Variants in DTD1 observed in about 807,000 individuals in gnomAD.
DTD1 encodes D-tyrosyl-tRNA deacylase 1 homolog.
A neutral mutation model predicts 25.6 loss-of-function variants in DTD1; 13 were observed. The observed-to-expected ratio is 0.51, with a 90% CI of 0.33 to 0.81. DTD1 has a LOEUF of 0.81. Ranked by LOEUF, DTD1 falls within the 30% of genes least tolerant of loss-of-function variation. The pLI is 0.02. For missense variants in DTD1, 193 were observed against 266.4 expected (o/e 0.72, Z 1.92); for synonymous variants, 110 against 103.6 (o/e 1.06, Z -0.37).
intron 4 of DTD1, among the ~76,000 whole-genome samples, chr20:18,668,659 G>T (rs777122228): frequency 2.0e-5 from 3 of 152,166 alleles, no homozygotes; most frequent in Non-Finnish European, 2.9e-5. Context: ...TTACTGTGAG[G>T]TGTTTTCTTC....
chr20:18,607,588 T>G (rs2060665726), intron 3 of DTD1, among the ~76,000 whole-genome samples: 1 of 152,204 alleles, frequency 6.6e-6, no homozygotes, highest in Admixed American at 6.5e-5. Context: ...ATTTATTCCT[T>G]AAATGTTTGA....
intron 4 of DTD1, chr20:18,691,916 A>G (rs1232545963): frequency 6.6e-6 from 1 of 151,994 alleles, no homozygotes; most frequent in Non-Finnish European, 1.5e-5. Context: ...CTGCTTGGAG[A>G]ATCTCACACC....
At chr20:18,688,160 C>G (rs894882552) in intron 4 of DTD1, among the ~76,000 whole-genome samples, 1 of 152,160 alleles carries the variant, frequency 6.6e-6, no homozygotes, top group Admixed American at 6.5e-5. Context: ...TTCCTTGGTT[C>G]TCAGAAGATG....
chr20:18,695,551 C>T (rs1600374844), intron 4 of DTD1, among the ~76,000 whole-genome samples: 1 of 42,920 alleles, frequency 2.3e-5, no homozygotes, highest in Non-Finnish European at 5.3e-5. Context: ...CTTCCCTTCC[C>T]TTCCCTTCTC....
At chr20:18,595,616 G>A (rs1030505205) in intron 2 of DTD1, among the ~76,000 whole-genome samples, 3 of 152,100 alleles carry the variant, frequency 2.0e-5, no homozygotes, top group African/African-American at 7.2e-5. Flanking sequence ...AAAAATGGAT[G>A]TCATTTATCC....
intron 4 of DTD1, among the ~76,000 whole-genome samples, chr20:18,700,484 A>G (rs1484503075): frequency 2.0e-5 from 3 of 149,604 alleles, no homozygotes; most frequent in Non-Finnish European, 3.0e-5. Context: ...CTGTGCAAAT[A>G]GTGGTGACCT....
intron 4 of DTD1, among the ~76,000 whole-genome samples, chr20:18,695,878 A>G (rs1420579709): frequency 6.6e-6 from 1 of 151,698 alleles, no homozygotes; most frequent in Non-Finnish European, 1.5e-5. Context: ...GGTTCTCACT[A>G]TGTTGCCCAA....
Position 18,628,764 on chromosome 20 carries a change from G to A in DTD1, c.477+531G>A, listed in dbSNP as rs181834912. Among the ~76,000 whole-genome samples, 123 of 152,268 alleles carry A rather than the reference G, an allele frequency of 8.1e-4. 1 individual carries two copies. The highest frequency in any genetic ancestry group is 3.4e-3 in the Middle Eastern group (1 of 294). On this transcript the variant is annotated intron_variant, in intron 4 of 5. Coordinates refer to ENST00000377452, the MANE Select transcript of DTD1 (RefSeq NM_080820.6). The stretch of plus-strand genomic sequence containing the variant: ...AAATGTGTAATAGTCCTTGGAACCC[G>A]CGTGGTCTCATAGATGCTTAGCATA...
intron 4 of DTD1, among the ~76,000 whole-genome samples, chr20:18,690,263 A>T (rs2061040553): frequency 6.6e-6 from 1 of 152,060 alleles, no homozygotes; most frequent in African/African-American, 2.4e-5. Context: ...TCAGATGCAT[A>T]GTTTCCAAAT....
chr20:18,686,354 A>T (rs1410199821), intron 4 of DTD1, among the ~76,000 whole-genome samples: 2 of 152,270 alleles, frequency 1.3e-5, no homozygotes, highest in Non-Finnish European at 2.9e-5. Flanking sequence ...GCCCTTGCAC[A>T]TCTATTTTTG....
intron 5 of DTD1, among the ~76,000 whole-genome samples, chr20:18,750,232 C>A (rs1050399231): frequency 1.3e-5 from 2 of 152,074 alleles, no homozygotes; most frequent in Non-Finnish European, 2.9e-5. Flanking sequence ...GGGTTTTGTT[C>A]CCCCTTCTGA....
rs2061376892 is a variant in DTD1 at position 18,765,661 on chromosome 20, G to T, written c.*2321G>T. The T allele has an allele frequency of 6.6e-6, 1 of 151,978 alleles. No homozygotes were observed. Among genetic ancestry groups the T allele is most frequent in the African/African-American group, 2.4e-5 (1 of 41,346 alleles). The allele number at this position is 151,978 out of a possible 1,614,324, so 9.4% of individuals were successfully genotyped here. A position where few individuals can be genotyped will look rare whatever the true frequency, so the allele number is the denominator to read the frequency against. On this transcript the variant is annotated 3_prime_UTR_variant, in exon 6 of 6. Transcript: ENST00000377452. ...ATATCTGCAGCTGCCTCAAAAAGGTGGTTAATTTCCACCCCCACCTACACT... is the reference window on the plus strand; with the variant it reads ...ATATCTGCAGCTGCCTCAAAAAGGTTGTTAATTTCCACCCCCACCTACACT...
At chr20:18,707,911 G>T (rs1249407296) in intron 4 of DTD1, among the ~76,000 whole-genome samples, 1 of 151,560 alleles carries the variant, frequency 6.6e-6, no homozygotes, top group Non-Finnish European at 1.5e-5. Flanking sequence ...GTTTCCTTGT[G>T]AGTGTGTCTG....
chr20:18,635,644 T>C (rs140482248), intron 4 of DTD1, among the ~76,000 whole-genome samples: 6 of 152,288 alleles, frequency 3.9e-5, no homozygotes, highest in East Asian at 3.9e-4. Flanking sequence ...GAATATTTGG[T>C]ATGAAAGGGT....
chr20:18,742,963 A>G (rs1212974183), intron 4 of DTD1, among the ~76,000 whole-genome samples: 1 of 152,122 alleles, frequency 6.6e-6, no homozygotes, highest in Non-Finnish European at 1.5e-5. Flanking sequence ...TCTGGGAGGG[A>G]GATAAAACTG....
At chr20:18,720,320 ATATACT>A (rs2061197056) in intron 4 of DTD1, among the ~76,000 whole-genome samples, 2 of 152,254 alleles carry the variant, frequency 1.3e-5, no homozygotes, top group Non-Finnish European at 2.9e-5. Context: ...CAGACATAAA[ATATACT>A]TAATACTAAC....
At chr20:18,672,402 A>T (rs1033350045) in intron 4 of DTD1, among the ~76,000 whole-genome samples, 1 of 152,052 alleles carries the variant, frequency 6.6e-6, no homozygotes, top group Non-Finnish European at 1.5e-5. Context: ...CTTGTTTCAC[A>T]TGCCATAGCT....
chr20:18,708,231 T>TGTATATATA (rs1462362587), intron 4 of DTD1, among the ~76,000 whole-genome samples: 7,063 of 15,328 alleles, frequency 0.46, 939 homozygotes, highest in Middle Eastern at 0.58. Flanking sequence ...ATATATATAT[T>TGTATATATA]TTATATATAT....
intron 2 of DTD1, 56 bp downstream of exon 2, chr20:18,593,877 T>G: frequency 7.0e-7 from 1 of 1,421,456 alleles, no homozygotes; most frequent in Non-Finnish European, 9.9e-7. Flanking sequence ...GTGGTCATGC[T>G]GGGAACTTCC....
Sources: gnomAD v4.1 joint callset for allele counts (sites outside exome capture counted in the v4.1 genomes callset) on GRCh38, gnomAD v4.1.1 for gene constraint, MANE v1.5 for transcripts, NCBI Gene and HGNC (gene_info 2026-07-23, HGNC 2026-07-21) for gene names.